The following RASL12 variants were observed in gnomAD, a reference collection of about 807,000 sequenced individuals.
RASL12 encodes the protein RAS like family 12.
In RASL12, 16 loss-of-function variants were observed where a neutral mutation model predicts 22.9. The ratio of observed to expected loss-of-function variants is 0.70; its 90% CI spans 0.47 to 1.06. The LOEUF is 1.06. Among genes scored for constraint, RASL12 ranks in the 50% least tolerant of loss-of-function variants. The pLI is 0.00. For missense variants in RASL12, 306 were observed against 353.1 expected (o/e 0.87, Z 1.07); for synonymous variants, 159 against 152.2 (o/e 1.04, Z -0.33).
chr15:65,049,337 A>G (rs947660929), downstream of RASL12: 11 of 146,332 alleles, frequency 7.5e-5, no homozygotes, highest in East Asian at 2.0e-4. Flanking sequence ...CAAAAAAAAA[A>G]GAAAAAGAAA....
At position 65,054,557 on chromosome 15, in the gene RASL12, C is replaced by A; in HGVS notation, c.*342G>T. 2 of 1,086,274 alleles carry A rather than the reference C, an allele frequency of 1.8e-6. No individual in the cohort carries two copies. The highest frequency in any genetic ancestry group is 2.2e-6 in the Non-Finnish European group (2 of 892,706). The allele number at this position is 1,086,274 out of a possible 1,614,324, so 67.3% of individuals were successfully genotyped here. On this transcript the variant is annotated 3_prime_UTR_variant, in exon 5 of 5. Transcript: ENST00000220062. ...GACCATCCACTAAGGCCACAGCTGGCCCAACTGTAGCTGGAGCAGGAAGGG... is the reference window on the plus strand; with the variant it reads ...GACCATCCACTAAGGCCACAGCTGGACCAACTGTAGCTGGAGCAGGAAGGG...
upstream of RASL12, among the ~76,000 whole-genome samples, chr15:65,071,347 AG>A (rs2086930845): frequency 6.6e-6 from 1 of 152,106 alleles, no homozygotes; most frequent in Non-Finnish European, 1.5e-5. Context: ...GGGGTCGAGC[AG>A]GGCCTGGGAA....
rs377569504 is a variant in RASL12, at chr15:65,058,551, C to T, written c.301G>A (p.Asp101Asn). 4 of 1,610,798 alleles carry T rather than the reference C, an allele frequency of 2.5e-6. No individual in the cohort carries two copies. Among genetic ancestry groups the T allele is most frequent in the East Asian group, 2.2e-5 (1 of 44,792 alleles). ...AHAFLVVYSV[D>N]SRQSFDSSSS... ...CTGCTATCAAAGCTCTGGCGGCTGT[C>T]GACGCTGTACACCACCAGGAAGGCA... The change falls in exon 4 of 5, where the codon GAC becomes AAC. Residue 101 changes from aspartate to asparagine, a missense_variant. Physicochemically the swap from Asp to Asn is conservative, Grantham distance 23. Coordinates refer to ENST00000220062, the MANE Select transcript of RASL12 (RefSeq NM_016563.4).
In RASL12 at chr15:65,054,043, T is replaced by A; in HGVS notation, c.*856A>T. The A allele has an allele frequency of 2.0e-6, 2 of 985,906 alleles. No homozygotes were observed. The highest frequency in any genetic ancestry group is 2.4e-6 in the Non-Finnish European group (2 of 829,966). The allele number at this position is 985,906 out of a possible 1,614,324, so 61.1% of individuals were successfully genotyped here. A position where few individuals can be genotyped will look rare whatever the true frequency, so the allele number is the denominator to read the frequency against. ...TTTCTACCTGCAGGGGGGCAGGCCC[T>A]GTAGCCCCTGGATGGGTCTGATGCT... On this transcript the variant is annotated 3_prime_UTR_variant, in exon 5 of 5. Coordinates refer to ENST00000220062, the MANE Select transcript of RASL12 (RefSeq NM_016563.4).
downstream of RASL12, chr15:65,050,229 CAG>C: frequency 8.1e-6 from 6 of 740,210 alleles, no homozygotes; most frequent in South Asian, 1.1e-4. Flanking sequence ...GACAGGGAAT[CAG>C]TCGGGGTGTC....
At chr15:65,064,856 A>C (rs2140529522) in intron 2 of RASL12, among the ~76,000 whole-genome samples, 1 of 152,332 alleles carries the variant, frequency 6.6e-6, no homozygotes, top group African/African-American at 2.4e-5. Flanking sequence ...AGCCTCCCAA[A>C]GTGCTGAGAT....
chr15:65,050,146 A>G (rs1470898871), downstream of RASL12: 1 of 1,478,772 alleles, frequency 6.8e-7, no homozygotes, highest in Non-Finnish European at 9.2e-7. Flanking sequence ...TGTGCCCCTC[A>G]ACACAGAGCA....
At chr15:65,058,155 G>A (rs1388084284) in intron 4 of RASL12, among the ~76,000 whole-genome samples, 1 of 152,214 alleles carries the variant, frequency 6.6e-6, no homozygotes, top group Non-Finnish European at 1.5e-5. Context: ...TGTAATCCCA[G>A]CTACTGGGGA....
chr15:65,055,347 C>G (rs1595903468), intron 4 of RASL12, 73 bp from the exon 5 acceptor site: 1 of 1,371,442 alleles, frequency 7.3e-7, no homozygotes, highest in East Asian at 2.5e-5. Context: ...GCTCCTACAC[C>G]CAGCGCCCCA....
chr15:65,046,472 A>G, the RASL12 span, among the ~76,000 whole-genome samples: 1 of 152,072 alleles, frequency 6.6e-6, no homozygotes, highest in Non-Finnish European at 1.5e-5. Flanking sequence ...CTCTGTCTCA[A>G]AAAAAAGAAA....
intron 2 of RASL12, among the ~76,000 whole-genome samples, chr15:65,061,775 C>A (rs539817426): frequency 4.1e-4 from 63 of 152,142 alleles, no homozygotes; most frequent in Non-Finnish European, 6.3e-4. Context: ...TTGGGCCGGG[C>A]GTGGTGGCTC....
chr15:65,050,311 C>T (rs931885444), downstream of RASL12, among the ~76,000 whole-genome samples: 15 of 152,300 alleles, frequency 9.8e-5, no homozygotes, highest in African/African-American at 2.9e-4. Context: ...ATTTATGCAG[C>T]CCTCCAATCA....
At chr15:65,072,619 C>A (rs1247022971), upstream of RASL12, among the ~76,000 whole-genome samples, 1 of 152,148 alleles carries the variant, frequency 6.6e-6, no homozygotes, top group African/African-American at 2.4e-5. Flanking sequence ...AATTATTAAG[C>A]TCCATTCCAT....
At chr15:65,064,083 T>C (rs2086847029) in intron 2 of RASL12, among the ~76,000 whole-genome samples, 1 of 152,224 alleles carries the variant, frequency 6.6e-6, no homozygotes, top group Non-Finnish European at 1.5e-5. Flanking sequence ...CAGTTTACAA[T>C]AGACAAATGT....
chr15:65,057,757 T>C (rs1016027256), intron 4 of RASL12, among the ~76,000 whole-genome samples: 3 of 151,942 alleles, frequency 2.0e-5, no homozygotes, highest in Non-Finnish European at 2.9e-5. Context: ...CTCCTTAGAA[T>C]TGGAATTGGG....
chr15:65,049,064 AATAT>A (rs2086613055), downstream of RASL12: 1 of 151,760 alleles, frequency 6.6e-6, no homozygotes, highest in South Asian at 2.1e-4. Context: ...TGGCCTGAAT[AATAT>A]ATGTTGTCAA....
At chr15:65,060,308 T>G (rs892895596) in intron 2 of RASL12, among the ~76,000 whole-genome samples, 7 of 152,228 alleles carry the variant, frequency 4.6e-5, no homozygotes, top group African/African-American at 1.7e-4. Flanking sequence ...GTGATTTTTT[T>G]TTTAACTTTT....
intron 2 of RASL12, among the ~76,000 whole-genome samples, chr15:65,059,902 A>G (rs2086781668): frequency 6.6e-6 from 1 of 152,244 alleles, no homozygotes; most frequent in Non-Finnish European, 1.5e-5. Context: ...CCCTTTTAGA[A>G]GTTCCGAGAA....
intron 2 of RASL12, among the ~76,000 whole-genome samples, chr15:65,064,752 A>G (rs1379701916): frequency 6.6e-6 from 1 of 151,832 alleles, no homozygotes; most frequent in Non-Finnish European, 1.5e-5. Flanking sequence ...ACACACCACT[A>G]TGCCCAGCTA....
Sources: gnomAD v4.1 joint callset for allele counts (sites outside exome capture counted in the v4.1 genomes callset) on GRCh38, gnomAD v4.1.1 for gene constraint, MANE v1.5 for transcripts, NCBI Gene and HGNC (gene_info 2026-07-23, HGNC 2026-07-21) for gene names.